Variants in GPC6 observed in about 807,000 individuals in gnomAD.
The protein encoded by GPC6 is glypican 6, also known as glypican-6.
Under a neutral mutation model 55.2 loss-of-function variants are expected in GPC6, and 14 were observed. The observed-to-expected ratio is 0.25, with a 90% CI of 0.17 to 0.40. The LOEUF is 0.40. Ranked by LOEUF, GPC6 falls within the 10% of genes least tolerant of loss-of-function variation. The probability of loss-of-function intolerance (pLI) is 1.00; values close to 1 mark genes in which losing one functional copy is unlikely to be tolerated. For missense variants in GPC6, 641 were observed against 708.5 expected (o/e 0.90, Z 1.08); for synonymous variants, 278 against 259.6 (o/e 1.07, Z -0.68).
At chr13:93,477,178 A>C (rs1192436900) in intron 1 of GPC6, among the ~76,000 whole-genome samples, 1 of 152,090 alleles carries the variant, frequency 6.6e-6, no homozygotes, top group Non-Finnish European at 1.5e-5. Flanking sequence ...TTTTTTATTT[A>C]TGAAAAACAA....
chr13:94,012,780 C>T (rs1882300355), intron 3 of GPC6, among the ~76,000 whole-genome samples: 1 of 152,156 alleles, frequency 6.6e-6, no homozygotes, highest in African/African-American at 2.4e-5. Flanking sequence ...CTGTGTATTT[C>T]AAAGCAGATC....
At chr13:94,326,367 C>T (rs1190411989) in intron 6 of GPC6, among the ~76,000 whole-genome samples, 1 of 152,052 alleles carries the variant, frequency 6.6e-6, no homozygotes, top group Non-Finnish European at 1.5e-5. Flanking sequence ...GACAGCATAT[C>T]AGAAGTGCAG....
chr13:93,780,506 A>G (rs1885606401), intron 2 of GPC6, among the ~76,000 whole-genome samples: 3 of 151,942 alleles, frequency 2.0e-5, no homozygotes, highest in Non-Finnish European at 1.5e-5. Context: ...GGTACACAGC[A>G]TTCTTCATTA....
At chr13:94,243,379 A>T (rs1891110020) in intron 4 of GPC6, among the ~76,000 whole-genome samples, 1 of 152,054 alleles carries the variant, frequency 6.6e-6, no homozygotes, top group African/African-American at 2.4e-5. Context: ...GTACTGTAAC[A>T]CTTCAAAATC....
intron 2 of GPC6, among the ~76,000 whole-genome samples, chr13:93,716,249 C>T (rs1383019552): frequency 6.6e-6 from 1 of 151,618 alleles, no homozygotes; most frequent in African/African-American, 2.4e-5. Context: ...TCAGAGCGTA[C>T]ACCTCCTACT....
At chr13:94,000,476 G>A (rs1276244654) in intron 3 of GPC6, among the ~76,000 whole-genome samples, 3 of 152,026 alleles carry the variant, frequency 2.0e-5, no homozygotes, top group South Asian at 4.1e-4. Context: ...CTCATAGCAG[G>A]AATTTTTGAA....
At chr13:93,931,798 G>A (rs1012387627) in intron 3 of GPC6, among the ~76,000 whole-genome samples, 26 of 151,234 alleles carry the variant, frequency 1.7e-4, no homozygotes, top group Non-Finnish European at 2.9e-4. Flanking sequence ...AGATCAGGAG[G>A]CATTTAGAGT....
intron 1 of GPC6, among the ~76,000 whole-genome samples, chr13:93,249,968 T>C (rs1876729148): frequency 1.3e-5 from 2 of 152,162 alleles, no homozygotes; most frequent in Non-Finnish European, 2.9e-5. Context: ...GAGAAAACAT[T>C]TTAGTCTGAT....
intron 1 of GPC6, among the ~76,000 whole-genome samples, chr13:93,521,773 A>G (rs1362158883): frequency 1.3e-5 from 2 of 152,018 alleles, no homozygotes; most frequent in Non-Finnish European, 2.9e-5. Context: ...TTCCCCAGCT[A>G]TGTGTTTAAA....
intron 4 of GPC6, among the ~76,000 whole-genome samples, chr13:94,123,698 T>G: frequency 6.6e-6 from 1 of 152,156 alleles, no homozygotes; most frequent in African/African-American, 2.4e-5. Flanking sequence ...CGCATATGTT[T>G]GTATTTGAAA....
intron 1 of GPC6, among the ~76,000 whole-genome samples, chr13:93,450,084 C>T (rs1347230587): frequency 5.9e-5 from 9 of 152,134 alleles, no homozygotes; most frequent in African/African-American, 2.2e-4. Context: ...CCGCGCCTGG[C>T]CAGGTTCCAC....
At chr13:94,357,838 A>G (rs1024094888) in intron 6 of GPC6, among the ~76,000 whole-genome samples, 1 of 152,200 alleles carries the variant, frequency 6.6e-6, no homozygotes, top group South Asian at 2.1e-4. Context: ...ATCACGTTGT[A>G]CTACTGTCTG....
chr13:93,630,753 A>G (rs1335421670), intron 2 of GPC6, among the ~76,000 whole-genome samples: 1 of 152,176 alleles, frequency 6.6e-6, no homozygotes, highest in Non-Finnish European at 1.5e-5. Flanking sequence ...TATTTTAAGA[A>G]TTTTTGATAA....
chr13:93,273,060 G>A (rs919707894), intron 1 of GPC6, among the ~76,000 whole-genome samples: 1 of 152,136 alleles, frequency 6.6e-6, no homozygotes, highest in East Asian at 1.9e-4. Flanking sequence ...AACAAAAGCC[G>A]AAATGACCTG....
chr13:93,800,289 G>A (rs1886329429), intron 2 of GPC6, among the ~76,000 whole-genome samples: 1 of 152,122 alleles, frequency 6.6e-6, no homozygotes, highest in Non-Finnish European at 1.5e-5. Context: ...CATTTACTGT[G>A]GAGCTTAAAC....
chr13:93,441,233 T>A (rs1877786355), intron 1 of GPC6, among the ~76,000 whole-genome samples: 1 of 152,078 alleles, frequency 6.6e-6, no homozygotes, highest in African/African-American at 2.4e-5. Context: ...CTGGGTCAAA[T>A]GGTATTTCTA....
intron 1 of GPC6, among the ~76,000 whole-genome samples, chr13:93,342,593 G>C (rs1461458370): frequency 6.6e-6 from 1 of 152,160 alleles, no homozygotes; most frequent in Non-Finnish European, 1.5e-5. Context: ...ACTTGGGTGG[G>C]GGAACAGCCA....
intron 4 of GPC6, among the ~76,000 whole-genome samples, chr13:94,193,062 CGTGTGTGT>C (rs66612458): frequency 0.046 from 6,851 of 148,614 alleles, 205 homozygotes; most frequent in African/African-American, 0.062. Flanking sequence ...TGAGACTCCT[CGTGTGTGT>C]GTGTGTGTGT....
At chr13:94,342,887 T>C (rs1878114058) in intron 6 of GPC6, among the ~76,000 whole-genome samples, 1 of 152,032 alleles carries the variant, frequency 6.6e-6, no homozygotes, top group African/African-American at 2.4e-5. Context: ...CTGTCCAGGG[T>C]TGCAGCTGAT....
Sources: allele counts gnomAD v4.1 joint callset (sites outside exome capture counted in the v4.1 genomes callset), GRCh38; gene constraint gnomAD v4.1.1; transcripts MANE v1.5; gene names NCBI Gene and HGNC (gene_info 2026-07-23, HGNC 2026-07-21).